TMEM273: variants seen among roughly 807,000 people sequenced by gnomAD.
TMEM273 encodes chromosome 10 open reading frame 128.
TMEM273 carries 19 observed loss-of-function variants against 17.9 expected under a neutral mutation model. That is an observed-to-expected ratio of 1.06 (90% CI 0.74 to 1.55). The LOEUF (loss-of-function observed/expected upper bound fraction) is 1.55. Ranked by LOEUF, TMEM273 falls within the 40% of genes most tolerant of loss-of-function variation. The pLI is 0.00. For missense variants in TMEM273, 194 were observed against 155.6 expected (o/e 1.25, Z -1.31); for synonymous variants, 66 against 62.0 (o/e 1.07, Z -0.31).
At chr10:49,159,365 T>C (rs1251333092) in intron 6 of TMEM273, among the ~76,000 whole-genome samples, 1 of 152,194 alleles carries the variant, frequency 6.6e-6, no homozygotes, top group Non-Finnish European at 1.5e-5. Flanking sequence ...TAAAAGCCAC[T>C]GCAAAGAAAT....
chr10:49,172,952 C>T (rs926360130), intron 1 of TMEM273, among the ~76,000 whole-genome samples: 2 of 152,226 alleles, frequency 1.3e-5, no homozygotes, highest in Non-Finnish European at 2.9e-5. Flanking sequence ...ATTTATTCTT[C>T]CTGTCAACTG....
intron 1 of TMEM273, 68 bp downstream of exon 1, chr10:49,188,226 T>C: frequency 1.3e-6 from 2 of 1,573,254 alleles, no homozygotes; most frequent in Non-Finnish European, 1.7e-6. Flanking sequence ...CCCAGTGGGC[T>C]AAGGCTCCCC....
chr10:49,181,624 A>G (rs573680302), intron 1 of TMEM273, among the ~76,000 whole-genome samples: 8 of 152,322 alleles, frequency 5.3e-5, no homozygotes, highest in South Asian at 4.1e-4. Flanking sequence ...CATTTTTTCA[A>G]CCAACAGTGC....
chr10:49,155,857 T>G lies in TMEM273; in HGVS notation c.*35A>C. 1 of 1,614,150 alleles carries G rather than the reference T, an allele frequency of 6.2e-7. No individual in the cohort carries two copies. The highest frequency in any genetic ancestry group is 2.2e-5 in the East Asian group (1 of 44,886). Reference sequence around the variant, plus strand: ...AACCATGGGCTGTTTTCCACGGGGCTAGAACCCCTCTTCACGTCACTGCTC... The same window carrying G: ...AACCATGGGCTGTTTTCCACGGGGCGAGAACCCCTCTTCACGTCACTGCTC... On this transcript the variant is annotated 3_prime_UTR_variant, in exon 7 of 7. Transcript: ENST00000374153.
At chr10:49,186,299 C>A (rs1847725404) in intron 1 of TMEM273, among the ~76,000 whole-genome samples, 3 of 152,158 alleles carry the variant, frequency 2.0e-5, no homozygotes. Flanking sequence ...TAGTCAAATT[C>A]CTACTGATAG....
At chr10:49,165,456 C>T (rs1846114749) in intron 4 of TMEM273, 173 bp from the exon 5 acceptor site, 2 of 1,471,840 alleles carry the variant, frequency 1.4e-6, no homozygotes, top group Non-Finnish European at 1.8e-6. Flanking sequence ...GGGCTGGAGG[C>T]CTCATTCTGA....
intron 1 of TMEM273, among the ~76,000 whole-genome samples, chr10:49,173,634 G>T (rs1564636496): frequency 6.6e-6 from 1 of 152,174 alleles, no homozygotes; most frequent in South Asian, 2.1e-4. Context: ...TTGCTCTATG[G>T]CATGAAGGCC....
chr10:49,165,448 G>T, intron 4 of TMEM273, 165 bp from the exon 5 acceptor site: 1 of 1,477,444 alleles, frequency 6.8e-7, no homozygotes, highest in Non-Finnish European at 9.0e-7. Context: ...AGTGACAGGG[G>T]CTGGAGGCCT....
intron 1 of TMEM273, among the ~76,000 whole-genome samples, chr10:49,181,154 A>G (rs1254694887): frequency 6.6e-6 from 1 of 152,240 alleles, no homozygotes; most frequent in Non-Finnish European, 1.5e-5. Flanking sequence ...ACAACTTACG[A>G]TCACTCATAA....
At chr10:49,164,010 G>C (rs1846009881) in intron 5 of TMEM273, among the ~76,000 whole-genome samples, 1 of 152,076 alleles carries the variant, frequency 6.6e-6, no homozygotes, top group African/African-American at 2.4e-5. Context: ...CCAGTCCCTG[G>C]TCCCATGGAA....
At chr10:49,161,242 T>C in intron 6 of TMEM273, 1 of 287,424 alleles carries the variant, frequency 3.5e-6, no homozygotes, top group Non-Finnish European at 6.6e-6. Flanking sequence ...AAGAGATGTT[T>C]GGGAATTTTT....
At chr10:49,156,123 C>T (rs1485356188) in intron 6 of TMEM273, 2 of 1,536,724 alleles carry the variant, frequency 1.3e-6, no homozygotes, top group African/African-American at 2.8e-5. Context: ...TTGTTTTCTG[C>T]CTGCCAAACC....
chr10:49,165,801 A>G lies in TMEM273; in HGVS notation c.239-5T>C. ...TCTTCTTTAGCGGGATGGTGTCTAA[A>G]CAGAGAAAGCCGGGCATTAGGAAGG... is the stretch of plus-strand genomic sequence containing the variant. On this transcript the variant is annotated splice_polypyrimidine_tract_variant and splice_region_variant and intron_variant, in intron 3 of 6. Transcript: ENST00000374153. 1.2e-6 allele frequency: 2 copies of G among 1,614,176 alleles called. No individual in the cohort carries two copies. The highest frequency in any genetic ancestry group is 1.7e-6 in the Non-Finnish European group (2 of 1,180,016).
chr10:49,156,241 G>T (rs1042429936), intron 6 of TMEM273: 5 of 1,368,018 alleles, frequency 3.7e-6, no homozygotes, highest in Non-Finnish European at 4.9e-6. Context: ...TGGTGAATTT[G>T]CACAGATCTG....
chr10:49,171,892 G>C (rs1462392437), intron 1 of TMEM273, among the ~76,000 whole-genome samples: 1 of 151,370 alleles, frequency 6.6e-6, no homozygotes, highest in East Asian at 1.9e-4. Flanking sequence ...CTGTCCACCT[G>C]TTGGGTCCAC....
chr10:49,167,750 G>A (rs1846288288), intron 2 of TMEM273, among the ~76,000 whole-genome samples, 159 bp downstream of exon 2: 1 of 152,174 alleles, frequency 6.6e-6, no homozygotes, highest in Admixed American at 6.5e-5. Flanking sequence ...CCGAAATAAA[G>A]CTGTCAGCTG....
chr10:49,171,328 AC>A (rs1846554930), intron 1 of TMEM273, among the ~76,000 whole-genome samples: 1 of 212 alleles, frequency 4.7e-3, no homozygotes, highest in Non-Finnish European at 9.3e-3. Context: ...GAGCCAGAAT[AC>A]AGGCCCTTGC....
At chr10:49,174,714 G>C (rs1032592299) in intron 1 of TMEM273, among the ~76,000 whole-genome samples, 1 of 152,142 alleles carries the variant, frequency 6.6e-6, no homozygotes, top group Non-Finnish European at 1.5e-5. Flanking sequence ...GTGGTGGGGG[G>C]TGGTATGAGG....
chr10:49,168,022 C>G, intron 1 of TMEM273, 60 bp from the exon 2 acceptor site: 2 of 1,602,874 alleles, frequency 1.2e-6, no homozygotes, highest in Non-Finnish European at 1.7e-6. Flanking sequence ...TCCCAGCTAC[C>G]CAGTCTCAGA....
Sources: allele counts gnomAD v4.1 joint callset (sites outside exome capture counted in the v4.1 genomes callset), GRCh38; gene constraint gnomAD v4.1.1; transcripts MANE v1.5; gene names NCBI Gene and HGNC (gene_info 2026-07-23, HGNC 2026-07-21).